Variants in FIP1L1 observed in about 807,000 individuals in gnomAD.
FIP1L1 encodes the protein factor interacting with PAPOLA and CPSF1.
In FIP1L1, 21 loss-of-function variants were observed where a neutral mutation model predicts 84.6. The ratio of observed to expected loss-of-function variants is 0.25; its 90% CI spans 0.18 to 0.36. The LOEUF (loss-of-function observed/expected upper bound fraction) is 0.36. Among genes scored for constraint, FIP1L1 ranks in the 10% least tolerant of loss-of-function variants. The pLI, the probability that FIP1L1 is intolerant of heterozygous loss-of-function variation, is 1.00. For missense variants in FIP1L1, 526 were observed against 751.1 expected, an observed-to-expected ratio of 0.70 and a Z score of 3.50; for synonymous variants, 263 against 242.3, an observed-to-expected ratio of 1.09 and a Z score of -0.80.
At position 53,389,853 on chromosome 4, in the gene FIP1L1, G is replaced by T. The variant is rs1743196460; in HGVS notation, c.377G>T (p.Gly126Val). 3.1e-6 allele frequency: 5 copies of T among 1,601,448 alleles called. No homozygotes were observed. The African/African-American group carries it at 6.8e-5, about 22-fold the overall frequency. ...GTAAATCTTAACATCAAGACAGGGG[G>T]AAGAGTTTATGGAACTACAGGTAAA... ...APVNLNIKTG[G>V]RVYGTTGTKV... is the part of the protein sequence containing the mutation. The change falls in exon 6 of 18, where the codon GGA becomes GTA. Residue 126 changes from glycine (G) to valine (V), a missense_variant. This residue lies in a region of FIP1L1 where 169 missense variants were observed against 206.9 expected (regional missense o/e 0.82). Transcript: ENST00000337488.
chr4:53,430,341 C>CTTTTTT (rs376793476), intron 13 of FIP1L1, among the ~76,000 whole-genome samples: 3 of 75,804 alleles, frequency 4.0e-5, no homozygotes, highest in Non-Finnish European at 4.7e-5. Flanking sequence ...GATAAAATTA[C>CTTTTTT]TTTTTTTTTT....
chr4:53,440,690 A>C, intron 13 of FIP1L1: 1 of 963,782 alleles, frequency 1.0e-6, no homozygotes, highest in Non-Finnish European at 1.6e-6. Flanking sequence ...GACGGTGTTG[A>C]TGCGGTTAGA....
chr4:53,385,607 T>C (rs974688673), intron 5 of FIP1L1, among the ~76,000 whole-genome samples: 46 of 152,108 alleles, frequency 3.0e-4, no homozygotes, highest in Non-Finnish European at 8.8e-5. Flanking sequence ...ATAAACTGAA[T>C]GTTATTTAGT....
chr4:53,449,746 G>A (rs1181421852), intron 15 of FIP1L1, among the ~76,000 whole-genome samples: 1 of 152,084 alleles, frequency 6.6e-6, no homozygotes, highest in Non-Finnish European at 1.5e-5. Flanking sequence ...CTTGTAGGAA[G>A]ATTTTAAATT....
intron 11 of FIP1L1, among the ~76,000 whole-genome samples, chr4:53,418,912 T>A (rs1189192643): frequency 6.6e-6 from 1 of 152,240 alleles, no homozygotes; most frequent in Non-Finnish European, 1.5e-5. Flanking sequence ...GATGAGACAC[T>A]GTACTGAAAA....
intron 10 of FIP1L1, among the ~76,000 whole-genome samples, chr4:53,409,570 T>C (rs1755925498): frequency 6.6e-6 from 1 of 152,240 alleles, no homozygotes; most frequent in Admixed American, 6.5e-5. Context: ...TTCTGTCTTT[T>C]TGTCTGTGCC....
intron 10 of FIP1L1, among the ~76,000 whole-genome samples, chr4:53,405,850 A>G (rs1284462509): frequency 2.0e-5 from 3 of 151,850 alleles, no homozygotes; most frequent in Admixed American, 6.6e-5. Flanking sequence ...ATTTTTGCAC[A>G]TTGATTTTGT....
chr4:53,424,186 C>G (rs1763466363), intron 11 of FIP1L1, among the ~76,000 whole-genome samples: 2 of 151,944 alleles, frequency 1.3e-5, no homozygotes, highest in African/African-American at 4.8e-5. Context: ...CAATGGAGGG[C>G]AGCAATTAAC....
chr4:53,448,870 A>G (rs1265221812), intron 15 of FIP1L1, among the ~76,000 whole-genome samples: 1 of 152,158 alleles, frequency 6.6e-6, no homozygotes, highest in East Asian at 1.9e-4. Context: ...GGTTGGATTT[A>G]GTCCTTAGGT....
At chr4:53,402,612 G>C (rs1222459728) in intron 10 of FIP1L1, among the ~76,000 whole-genome samples, 1 of 152,208 alleles carries the variant, frequency 6.6e-6, no homozygotes, top group East Asian at 1.9e-4. Context: ...TGAGGCGGGA[G>C]AGTCACTTGA....
intron 15 of FIP1L1, among the ~76,000 whole-genome samples, chr4:53,445,940 G>GGAT (rs1352754204): frequency 6.6e-6 from 1 of 152,112 alleles, no homozygotes. Context: ...GGAAAAATTA[G>GGAT]GATGTCATGT....
intron 11 of FIP1L1, among the ~76,000 whole-genome samples, chr4:53,425,240 T>G (rs1238444191): frequency 6.6e-6 from 1 of 152,116 alleles, no homozygotes; most frequent in Non-Finnish European, 1.5e-5. Flanking sequence ...GGTTTTTCTC[T>G]TAAATTTATA....
At chr4:53,427,590 G>A (rs899000831) in intron 12 of FIP1L1, among the ~76,000 whole-genome samples, 8 of 152,164 alleles carry the variant, frequency 5.3e-5, no homozygotes, top group Non-Finnish European at 1.2e-4. Flanking sequence ...CTTGTACAGT[G>A]AATGTCTGAC....
At chr4:53,434,149 T>C (rs1367695686) in intron 13 of FIP1L1, among the ~76,000 whole-genome samples, 1 of 152,050 alleles carries the variant, frequency 6.6e-6, no homozygotes, top group Non-Finnish European at 1.5e-5. Flanking sequence ...CTTATGTATG[T>C]TTTATCTGTT....
At chr4:53,413,351 C>T (rs1358416648) in intron 10 of FIP1L1, among the ~76,000 whole-genome samples, 1 of 151,998 alleles carries the variant, frequency 6.6e-6, no homozygotes, top group Non-Finnish European at 1.5e-5. Flanking sequence ...TCCTTATTTC[C>T]AGGCCTTTTC....
At chr4:53,381,821 A>G (rs576087841) in intron 3 of FIP1L1, among the ~76,000 whole-genome samples, 1 of 132,376 alleles carries the variant, frequency 7.6e-6, no homozygotes, top group African/African-American at 3.0e-5. Flanking sequence ...GTGCAGTGGC[A>G]TGATCACTGC....
intron 9 of FIP1L1, among the ~76,000 whole-genome samples, chr4:53,393,961 A>G (rs1197735975): frequency 2.6e-5 from 4 of 152,082 alleles, no homozygotes; most frequent in African/African-American, 9.6e-5. Flanking sequence ...TCTAGATAAT[A>G]TTGGATATCT....
intron 9 of FIP1L1, among the ~76,000 whole-genome samples, chr4:53,395,125 CATT>C (rs1159803468): frequency 3.3e-5 from 5 of 152,210 alleles, no homozygotes; most frequent in African/African-American, 7.2e-5. Context: ...GAAATAATCT[CATT>C]ATGTTACTGG....
Position 53,448,732 on chromosome 4 carries a change from A to C in FIP1L1, c.1286-4188A>C, listed in dbSNP as rs546764078. Among the ~76,000 whole-genome samples the C allele has an allele frequency of 2.8e-4, 42 of 152,250 alleles. No homozygotes were observed. The South Asian group carries it at 8.7e-3, about 32-fold the overall frequency. ...TGCAATTGCACTGATGCTCTAGATC[A>C]GTCTGTGTGGAATTCATACCTTTAC... On this transcript the variant is annotated intron_variant, in intron 15 of 17. Transcript: ENST00000337488.
Sources: gnomAD v4.1 joint callset for allele counts (sites outside exome capture counted in the v4.1 genomes callset) on GRCh38, gnomAD v4.1.1 for gene constraint, gnomAD v4.1.1 regional missense constraint, MANE v1.5 for transcripts, NCBI Gene and HGNC (gene_info 2026-07-23, HGNC 2026-07-21) for gene names.